Variants in ACOXL observed in about 807,000 individuals in gnomAD.
ACOXL encodes acyl-CoA oxidase like, also known as acyl-coenzyme A oxidase-like protein.
In ACOXL, 70 loss-of-function variants were observed where a neutral mutation model predicts 71.9. That is an observed-to-expected ratio of 0.97 (90% CI 0.80 to 1.19). The LOEUF is 1.19. ACOXL is among the 50% of genes most tolerant of loss of function. The pLI is 0.00. For missense variants in ACOXL, 703 were observed against 736.3 expected (o/e 0.95, Z 0.52); for synonymous variants, 253 against 281.6 (o/e 0.90, Z 1.02).
chr2:110,902,768 A>C (rs1216120213), intron 10 of ACOXL, among the ~76,000 whole-genome samples: 2 of 152,166 alleles, frequency 1.3e-5, no homozygotes, highest in African/African-American at 4.8e-5. Context: ...TATGTCTAGG[A>C]GTGCCCCAGA....
intron 12 of ACOXL, among the ~76,000 whole-genome samples, chr2:110,949,981 C>G (rs1426795951): frequency 6.6e-6 from 1 of 152,046 alleles, no homozygotes; most frequent in Non-Finnish European, 1.5e-5. Flanking sequence ...ACACTTAACC[C>G]TCATTTAACA....
intron 11 of ACOXL, among the ~76,000 whole-genome samples, chr2:110,919,628 A>G (rs1004408602): frequency 6.6e-6 from 1 of 152,072 alleles, no homozygotes; most frequent in South Asian, 2.1e-4. Context: ...GAGTTGTTCC[A>G]TTCAGTATCA....
intron 16 of ACOXL, among the ~76,000 whole-genome samples, chr2:111,070,859 C>T (rs1366279135): frequency 1.3e-5 from 2 of 152,104 alleles, no homozygotes; most frequent in African/African-American, 4.8e-5. Flanking sequence ...TTCCTGCTTT[C>T]CCTCGTGGCC....
At chr2:110,797,854 G>A (rs1685461474) in intron 5 of ACOXL, among the ~76,000 whole-genome samples, 1 of 152,156 alleles carries the variant, frequency 6.6e-6, no homozygotes, top group African/African-American at 2.4e-5. Context: ...TAGAGGTTTT[G>A]GTGTTGGATG....
chr2:110,788,522 T>G (rs1312957533), intron 3 of ACOXL, among the ~76,000 whole-genome samples: 1 of 152,196 alleles, frequency 6.6e-6, no homozygotes, highest in Non-Finnish European at 1.5e-5. Context: ...GTACAGAGTT[T>G]TTTTTTGGGA....
chr2:111,028,172 G>A (rs552920900), intron 14 of ACOXL, among the ~76,000 whole-genome samples: 8 of 152,042 alleles, frequency 5.3e-5, no homozygotes, highest in Admixed American at 4.6e-4. Context: ...CTGGGTGACA[G>A]GAGTGAGACC....
intron 16 of ACOXL, among the ~76,000 whole-genome samples, chr2:111,080,593 C>G (rs2067853774): frequency 6.6e-6 from 1 of 152,162 alleles, no homozygotes; most frequent in Non-Finnish European, 1.5e-5. Flanking sequence ...ACCAGAGGTA[C>G]AAAGGGGAGC....
At chr2:110,904,224 G>T (rs945687932) in intron 10 of ACOXL, among the ~76,000 whole-genome samples, 2 of 152,172 alleles carry the variant, frequency 1.3e-5, no homozygotes, top group Admixed American at 6.5e-5. Flanking sequence ...AAAGCCTGTG[G>T]TGGAATGGGC....
intron 10 of ACOXL, among the ~76,000 whole-genome samples, chr2:110,867,117 T>G (rs1324331748): frequency 6.6e-6 from 1 of 151,676 alleles, no homozygotes. Context: ...CCCAGCAGAG[T>G]GTCCTGGGTG....
intron 12 of ACOXL, among the ~76,000 whole-genome samples, chr2:110,950,360 G>A (rs1414282180): frequency 6.6e-6 from 1 of 152,176 alleles, no homozygotes; most frequent in East Asian, 1.9e-4. Flanking sequence ...TCACTGATAA[G>A]GAAAAGAGAG....
At chr2:111,099,205 C>G (rs1011645220) in intron 17 of ACOXL, 8 of 152,214 alleles carry the variant, frequency 5.3e-5, no homozygotes, top group African/African-American at 1.9e-4. Flanking sequence ...GTGCAAGTGC[C>G]CAGTTGTTCA....
At chr2:110,793,073 A>G (rs1684841376) in intron 3 of ACOXL, among the ~76,000 whole-genome samples, 1 of 152,084 alleles carries the variant, frequency 6.6e-6, no homozygotes, top group Admixed American at 6.5e-5. Flanking sequence ...GTAAATGGGT[A>G]CTCTCACCAT....
intron 15 of ACOXL, among the ~76,000 whole-genome samples, chr2:111,032,186 C>T (rs1558891383): frequency 6.6e-6 from 1 of 152,176 alleles, no homozygotes; most frequent in South Asian, 2.1e-4. Flanking sequence ...GGTCAACCTT[C>T]TAAAGCAGTG....
rs78234565 is a variant in ACOXL at position 110,796,453 on chromosome 2, C to G, written c.346-2157C>G. ...GTTATTTAGATGCAGCTTTAATGCC[C>G]GAGTTTGGGCTGATGCAAACTTTCC... On this transcript the variant is annotated intron_variant, in intron 5 of 17. Coordinates refer to ENST00000439055, the MANE Select transcript of ACOXL (RefSeq NM_001142807.4). 1.4e-3 allele frequency among the ~76,000 whole-genome samples: 212 copies of G among 152,270 alleles called. 2 individuals carry two copies. The East Asian group carries it at 0.035, about 25-fold the overall frequency.
At chr2:110,858,350 C>T (rs570934652) in intron 10 of ACOXL, among the ~76,000 whole-genome samples, 1 of 152,080 alleles carries the variant, frequency 6.6e-6, no homozygotes, top group African/African-American at 2.4e-5. Flanking sequence ...CTTCCTACTC[C>T]CCGAGACAGA....
At chr2:110,950,779 G>T (rs180919769) in intron 12 of ACOXL, among the ~76,000 whole-genome samples, 167 of 150,104 alleles carry the variant, frequency 1.1e-3, no homozygotes, top group Admixed American at 3.6e-3. Flanking sequence ...CAAGAATGAA[G>T]AATCAATCTT....
chr2:110,865,735 A>T (rs1468159897), intron 10 of ACOXL, among the ~76,000 whole-genome samples: 1 of 152,248 alleles, frequency 6.6e-6, no homozygotes, highest in East Asian at 1.9e-4. Flanking sequence ...ATTTACATGC[A>T]TTTATGTGTG....
intron 1 of ACOXL, among the ~76,000 whole-genome samples, chr2:110,739,527 C>T (rs1231039885): frequency 6.6e-6 from 1 of 152,220 alleles, no homozygotes; most frequent in Non-Finnish European, 1.5e-5. Flanking sequence ...GCATGGAGGC[C>T]ACCCCACATG....
At chr2:110,860,338 C>T (rs1435448621) in intron 10 of ACOXL, among the ~76,000 whole-genome samples, 2 of 152,114 alleles carry the variant, frequency 1.3e-5, no homozygotes, top group African/African-American at 4.8e-5. Flanking sequence ...CTTGAACTCC[C>T]GACCTCAAGT....
Sources: gnomAD v4.1 joint callset for allele counts (sites outside exome capture counted in the v4.1 genomes callset) on GRCh38, gnomAD v4.1.1 for gene constraint, MANE v1.5 for transcripts, NCBI Gene and HGNC (gene_info 2026-07-23, HGNC 2026-07-21) for gene names.